LCA5: variants seen among roughly 807,000 people sequenced by gnomAD.
LCA5 encodes the protein lebercilin LCA5.
A neutral mutation model predicts 53.0 loss-of-function variants in LCA5; 37 were observed. The ratio of observed to expected loss-of-function variants is 0.70; its 90% CI spans 0.54 to 0.92. LCA5 has a LOEUF of 0.92. Among genes scored for constraint, LCA5 ranks in the 40% least tolerant of loss-of-function variants. The pLI is 0.00. For synonymous variants in LCA5, 303 were observed against 282.9 expected (o/e 1.07, Z -0.71); for missense variants, 806 against 790.5 (o/e 1.02, Z -0.23).
At chr6:79,520,687 G>A (rs1766600264) in intron 1 of LCA5, among the ~76,000 whole-genome samples, 1 of 152,076 alleles carries the variant, frequency 6.6e-6, no homozygotes, top group South Asian at 2.1e-4. Context: ...ACAATAAAAT[G>A]ACCAATAAGA....
chr6:79,510,487 T>C (rs1416551590), intron 3 of LCA5, among the ~76,000 whole-genome samples: 2 of 151,970 alleles, frequency 1.3e-5, no homozygotes, highest in African/African-American at 4.8e-5. Context: ...GATGAAAAAA[T>C]AGAAGAAAGT....
chr6:79,496,619 A>C (rs1325430363), intron 3 of LCA5, among the ~76,000 whole-genome samples: 3 of 152,210 alleles, frequency 2.0e-5, no homozygotes, highest in Admixed American at 2.0e-4. Context: ...AAATTCTTAA[A>C]ATGCAAAGTA....
intron 3 of LCA5, among the ~76,000 whole-genome samples, chr6:79,503,315 A>T (rs983793175): frequency 6.6e-6 from 1 of 152,212 alleles, no homozygotes; most frequent in Admixed American, 6.5e-5. Flanking sequence ...GTTGTTAGGC[A>T]TGTGAGTTTC....
At chr6:79,524,096 C>A (rs1408083929) in intron 1 of LCA5, among the ~76,000 whole-genome samples, 2 of 152,082 alleles carry the variant, frequency 1.3e-5, no homozygotes, top group African/African-American at 2.4e-5. Context: ...CTAATATCTA[C>A]CAGCTTCTTA....
In LCA5 at chr6:79,487,448, C is replaced by G. The variant is rs1769699308; in HGVS notation, c.1650G>C (p.Glu550Asp). ...AAGGCACGTAGCTACCAAATGCGAA[C>G]TCATTAGGGGAGGCTGGACTTCTAA... ...GNVRSPASPN[E>D]FAFGSYVPSF... Residue 550 changes from glutamate to aspartate, a missense_variant, in exon 8 of 8, where the codon GAG becomes GAC. Physicochemically the swap from Glu to Asp is conservative, Grantham distance 45. Coordinates refer to ENST00000369846, the MANE Select transcript of LCA5 (RefSeq NM_001122769.3). 3 of 1,613,854 alleles carry G rather than the reference C, an allele frequency of 1.9e-6. No homozygotes were observed. Among genetic ancestry groups the G allele is most frequent in the Non-Finnish European group, 1.7e-6 (2 of 1,179,874 alleles).
intron 3 of LCA5, among the ~76,000 whole-genome samples, chr6:79,501,789 CTCTA>C: frequency 1.3e-5 from 2 of 150,812 alleles, no homozygotes; most frequent in Middle Eastern, 3.5e-3. Flanking sequence ...ATATAGTTCT[CTCTA>C]TATAATATAT....
chr6:79,498,654 T>C (rs1450375136), intron 3 of LCA5, among the ~76,000 whole-genome samples: 1 of 151,958 alleles, frequency 6.6e-6, no homozygotes, highest in Admixed American at 6.6e-5. Context: ...TAATGAACAA[T>C]GGTGACATGC....
At chr6:79,527,643 G>A (rs760197986) in intron 1 of LCA5, among the ~76,000 whole-genome samples, 5 of 152,132 alleles carry the variant, frequency 3.3e-5, no homozygotes, top group East Asian at 3.9e-4. Flanking sequence ...GGGTAACTCC[G>A]AGCTGGAGAC....
Position 79,486,509 on chromosome 6 carries a change from TA to T in LCA5, c.*494del, listed in dbSNP as rs1301615082. ...TCAAGAGTAGCTTAGGACTGCCACG[TA>T]AGATAGGGACCCCTGGCCCTATCCA... On this transcript the variant is annotated 3_prime_UTR_variant, in exon 8 of 8. Coordinates refer to ENST00000369846, the MANE Select transcript of LCA5 (RefSeq NM_001122769.3). 6.5e-6 allele frequency: 1 copy of T among 154,648 alleles called. No homozygotes were observed. Among genetic ancestry groups the T allele is most frequent in the African/African-American group, 2.4e-5 (1 of 41,448 alleles). 9.6% of individuals were successfully genotyped at this position (154,648 alleles called of 1,614,324 possible).
chr6:79,490,704 TATACACAGAAA>T (rs1769813758), intron 6 of LCA5, among the ~76,000 whole-genome samples: 1 of 152,086 alleles, frequency 6.6e-6, no homozygotes, highest in African/African-American at 2.4e-5. Context: ...AAAACTAGAA[TATACACAGAAA>T]TCAAATCAGT....
intron 3 of LCA5, among the ~76,000 whole-genome samples, chr6:79,500,868 G>A (rs1770118798): frequency 6.6e-6 from 1 of 152,030 alleles, no homozygotes; most frequent in African/African-American, 2.4e-5. Flanking sequence ...TTCTTCCACT[G>A]TTTCTTTTAT....
chr6:79,490,030 A>AGG (rs1769793920), intron 6 of LCA5, among the ~76,000 whole-genome samples: 1 of 152,046 alleles, frequency 6.6e-6, no homozygotes, highest in Admixed American at 6.6e-5. Context: ...CATACACAAG[A>AGG]GGGCTACACT....
At chr6:79,537,739 T>C (rs1484401412), upstream of LCA5, among the ~76,000 whole-genome samples, 2 of 152,166 alleles carry the variant, frequency 1.3e-5, no homozygotes, top group African/African-American at 4.8e-5. Context: ...AATTGTAAAA[T>C]TGGCGACTGC....
At chr6:79,514,038 T>C (rs1225067031) in intron 2 of LCA5, among the ~76,000 whole-genome samples, 2 of 152,152 alleles carry the variant, frequency 1.3e-5, no homozygotes, top group Non-Finnish European at 2.9e-5. Context: ...TTAGATAAGA[T>C]GGCAAGTCAG....
chr6:79,507,687 T>C (rs753573392), intron 3 of LCA5, among the ~76,000 whole-genome samples: 5 of 152,120 alleles, frequency 3.3e-5, no homozygotes, highest in Admixed American at 1.3e-4. Context: ...ATTCCTTACC[T>C]GTGAGGAACA....
At chr6:79,533,125 A>G (rs1767005260) in intron 1 of LCA5, among the ~76,000 whole-genome samples, 1 of 152,296 alleles carries the variant, frequency 6.6e-6, no homozygotes, top group African/African-American at 2.4e-5. Flanking sequence ...TGAGAACCTA[A>G]TAAGGTTTCA....
chr6:79,509,938 A>G (rs1770366698), intron 3 of LCA5, among the ~76,000 whole-genome samples: 1 of 152,192 alleles, frequency 6.6e-6, no homozygotes, highest in Admixed American at 6.5e-5. Context: ...AAACTGATCT[A>G]TGTTTAATGC....
At chr6:79,534,420 CATTT>C (rs1183221709) in intron 1 of LCA5, among the ~76,000 whole-genome samples, 2 of 152,130 alleles carry the variant, frequency 1.3e-5, no homozygotes, top group Middle Eastern at 3.4e-3. Flanking sequence ...TTCATTCATT[CATTT>C]ATTCATTTAT....
Position 79,517,745 on chromosome 6 carries a change from T to C in LCA5, c.190+960A>G, listed in dbSNP as rs1291810554. On this transcript the variant is annotated intron_variant, in intron 2 of 7. Transcript: ENST00000369846. ...TGCAGTTTTTAATAAGCGAATATTA[T>C]TTTTTGAAGTAAAAATTTATAAAGA... Among the ~76,000 whole-genome samples the C allele has an allele frequency of 1.1e-4, 16 of 152,200 alleles. 1 individual carries two copies. Among genetic ancestry groups the C allele is most frequent in the Non-Finnish European group, 2.4e-4 (16 of 68,004 alleles).
Sources: gnomAD v4.1 joint callset for allele counts (sites outside exome capture counted in the v4.1 genomes callset) on GRCh38, gnomAD v4.1.1 for gene constraint, MANE v1.5 for transcripts, NCBI Gene and HGNC (gene_info 2026-07-23, HGNC 2026-07-21) for gene names.